The following GRIN2A variants were observed in gnomAD, a reference collection of about 807,000 sequenced individuals.
The protein encoded by GRIN2A is glutamate ionotropic receptor NMDA type subunit 2A, also known as glutamate receptor ionotropic, NMDA 2A.
GRIN2A carries 22 observed loss-of-function variants against 113.4 expected under a neutral mutation model. That is an observed-to-expected ratio of 0.19 (90% confidence interval 0.14 to 0.28). The LOEUF (loss-of-function observed/expected upper bound fraction) is 0.28, where lower values mean the gene tolerates loss of function less well. Ranked by LOEUF, GRIN2A falls within the 10% of genes least tolerant of loss-of-function variation. The probability of loss-of-function intolerance (pLI) is 1.00; values close to 1 mark genes in which losing one functional copy is unlikely to be tolerated. For missense variants in GRIN2A, 1,502 were observed against 1,887.0 expected (o/e 0.80, Z 3.78); for synonymous variants, 827 against 738.4 (o/e 1.12, Z -1.94).
chr16:9,934,124 A>C (rs1231824738), intron 3 of GRIN2A, among the ~76,000 whole-genome samples: 1 of 152,228 alleles, frequency 6.6e-6, no homozygotes, highest in Non-Finnish European at 1.5e-5. Context: ...TGAAACAAAC[A>C]TTAACCTTTG....
chr16:9,909,533 T>C (rs1377940722), intron 3 of GRIN2A, among the ~76,000 whole-genome samples: 1 of 152,236 alleles, frequency 6.6e-6, no homozygotes, highest in Non-Finnish European at 1.5e-5. Context: ...TTTATTTTAC[T>C]TAATTTCCAT....
intron 2 of GRIN2A, among the ~76,000 whole-genome samples, chr16:10,134,141 A>G (rs1008387767): frequency 1.4e-5 from 2 of 143,380 alleles, no homozygotes; most frequent in African/African-American, 5.1e-5. Context: ...AGGTGCAGTG[A>G]GTGATCACAT....
intron 10 of GRIN2A, among the ~76,000 whole-genome samples, chr16:9,812,627 G>A (rs1021225255): frequency 7.9e-5 from 12 of 151,784 alleles, no homozygotes; most frequent in Non-Finnish European, 1.5e-4. Context: ...GACAGAGCGA[G>A]ACTCTGTCTC....
intron 2 of GRIN2A, among the ~76,000 whole-genome samples, chr16:9,963,539 A>AT (rs2045485865): frequency 6.6e-6 from 1 of 152,152 alleles, no homozygotes; most frequent in African/African-American, 2.4e-5. Flanking sequence ...GTGTTAAACA[A>AT]TTTTTTAAAA....
intron 12 of GRIN2A, 33 bp downstream of exon 12, chr16:9,768,818 C>T (rs2141149140): frequency 2.1e-6 from 3 of 1,431,874 alleles, no homozygotes; most frequent in Admixed American, 1.7e-5. Flanking sequence ...AACCTGCTTG[C>T]AGTGCAAGAA....
At chr16:9,880,999 T>C (rs1285984507) in intron 4 of GRIN2A, among the ~76,000 whole-genome samples, 1 of 152,208 alleles carries the variant, frequency 6.6e-6, no homozygotes, top group Non-Finnish European at 1.5e-5. Flanking sequence ...AACCCTCAGA[T>C]ATGACTTGCA....
At chr16:9,932,024 T>C (rs1309525620) in intron 3 of GRIN2A, among the ~76,000 whole-genome samples, 1 of 152,204 alleles carries the variant, frequency 6.6e-6, no homozygotes, top group African/African-American at 2.4e-5. Context: ...AAAAAGCAGC[T>C]TGGAAAATAA....
chr16:9,955,339 G>C (rs983665566), intron 2 of GRIN2A, among the ~76,000 whole-genome samples: 4 of 152,094 alleles, frequency 2.6e-5, no homozygotes, highest in Non-Finnish European at 5.9e-5. Flanking sequence ...CAGGTTCCTT[G>C]AACTGTTCTT....
chr16:9,947,666 C>G (rs748363562), intron 2 of GRIN2A, among the ~76,000 whole-genome samples: 2 of 152,162 alleles, frequency 1.3e-5, no homozygotes, highest in African/African-American at 2.4e-5. Flanking sequence ...TCTGTATGTT[C>G]CTGTTATCAA....
At chr16:10,083,165 C>G (rs560898996) in intron 2 of GRIN2A, among the ~76,000 whole-genome samples, 1 of 152,218 alleles carries the variant, frequency 6.6e-6, no homozygotes. Flanking sequence ...AAGAAACCCC[C>G]ACATTTGTCA....
At chr16:10,153,392 G>A (rs1476035242) in intron 2 of GRIN2A, among the ~76,000 whole-genome samples, 1 of 152,176 alleles carries the variant, frequency 6.6e-6, no homozygotes, top group Non-Finnish European at 1.5e-5. Flanking sequence ...GGGACTCTAC[G>A]AAGGGGATAT....
chr16:9,809,322 C>G (rs2042041209), intron 10 of GRIN2A, among the ~76,000 whole-genome samples: 2 of 152,098 alleles, frequency 1.3e-5, no homozygotes, highest in African/African-American at 2.4e-5. Flanking sequence ...CCCAGCTACT[C>G]TGGTGGCTGA....
intron 5 of GRIN2A, among the ~76,000 whole-genome samples, chr16:9,845,299 T>A (rs2042752576): frequency 6.6e-6 from 1 of 152,224 alleles, no homozygotes; most frequent in African/African-American, 2.4e-5. Flanking sequence ...CTCTTCCTCA[T>A]ACAAATGTGA....
Position 10,143,052 on chromosome 16 carries a change from A to C in GRIN2A, c.414+36946T>G, listed in dbSNP as rs182340207. Among the ~76,000 whole-genome samples, 10 of 152,304 alleles carry C rather than the reference A, an allele frequency of 6.6e-5. No homozygotes were observed. In the East Asian group the frequency reaches 1.7e-3, roughly 26 times the overall value. On this transcript the variant is annotated intron_variant, in intron 2 of 12. Coordinates refer to ENST00000330684, the MANE Select transcript of GRIN2A (RefSeq NM_001134407.3). ...CCTTAATTCTATTTTCTGTTTATCC[A>C]ATTAGATTTGCCGGTCTTAATTGTA...
chr16:9,768,254 G>A lies in GRIN2A; in HGVS notation c.2595+597C>T, dbSNP rs573623098. On this transcript the variant is annotated intron_variant, in intron 12 of 12. Transcript: ENST00000330684. ...TAGTAGAGAAGGGGGGGGTCTCACC[G>A]TGTTAGCCAGGATGGTCTCGATCTC... is the stretch of plus-strand genomic sequence containing the variant. 2.0e-5 allele frequency among the ~76,000 whole-genome samples: 3 copies of A among 152,138 alleles called. No homozygotes were observed. The South Asian group carries it at 6.2e-4, about 32-fold the overall frequency.
At chr16:9,891,871 C>T (rs1355735911) in intron 3 of GRIN2A, among the ~76,000 whole-genome samples, 1 of 152,064 alleles carries the variant, frequency 6.6e-6, no homozygotes, top group Non-Finnish European at 1.5e-5. Context: ...TCAGGTGAGG[C>T]TGAGAAGATG....
At chr16:9,766,513 G>C (rs549939335) in intron 12 of GRIN2A, among the ~76,000 whole-genome samples, 61 of 152,240 alleles carry the variant, frequency 4.0e-4, no homozygotes, top group African/African-American at 1.1e-3. Context: ...CAGGGCACTG[G>C]CATTACATCC....
intron 11 of GRIN2A, among the ~76,000 whole-genome samples, chr16:9,778,812 T>C (rs971769722): frequency 6.6e-5 from 10 of 152,250 alleles, no homozygotes; most frequent in African/African-American, 2.2e-4. Context: ...ATGTCCAGTT[T>C]ATGTCTGCCT....
chr16:10,093,233 T>C (rs9941172), intron 2 of GRIN2A, among the ~76,000 whole-genome samples: 5,002 of 152,230 alleles, frequency 0.033, 125 homozygotes, highest in African/African-American at 0.066. Context: ...TAATAACAGA[T>C]GGGGTAGGTA....
Sources: gnomAD v4.1 joint callset for allele counts (sites outside exome capture counted in the v4.1 genomes callset) on GRCh38, gnomAD v4.1.1 for gene constraint, MANE v1.5 for transcripts, NCBI Gene and HGNC (gene_info 2026-07-23, HGNC 2026-07-21) for gene names.